Variants in GALNT13 observed in about 807,000 individuals in gnomAD.
The protein encoded by GALNT13 is polypeptide N-acetylgalactosaminyltransferase 13, also known as UDP-GalNAc:polypeptide N-acetylgalactosaminyltransferase 13.
A neutral mutation model predicts 64.2 loss-of-function variants in GALNT13; 28 were observed. That is an observed-to-expected ratio of 0.44 (90% confidence interval 0.32 to 0.60). The LOEUF is 0.60. Ranked by LOEUF, GALNT13 falls within the 20% of genes least tolerant of loss-of-function variation. The probability of loss-of-function intolerance (pLI) is 0.05; values close to 1 mark genes in which losing one functional copy is unlikely to be tolerated. For missense variants in GALNT13, 577 were observed against 669.8 expected (o/e 0.86, Z 1.53); for synonymous variants, 214 against 224.6 (o/e 0.95, Z 0.42).
the GALNT13 span, among the ~76,000 whole-genome samples, chr2:153,399,399 T>C: frequency 4.8e-3 from 737 of 152,264 alleles, 5 homozygotes; most frequent in Non-Finnish European, 5.7e-3. Context: ...ATTGACTTGG[T>C]GATGTGGGCT....
At chr2:153,658,305 C>T in the GALNT13 span, among the ~76,000 whole-genome samples, 1 of 152,148 alleles carries the variant, frequency 6.6e-6, no homozygotes, top group African/African-American at 2.4e-5. Flanking sequence ...TCACATCCCA[C>T]TTCTGCCAAT....
intron 3 of GALNT13, among the ~76,000 whole-genome samples, chr2:154,058,645 G>T (rs1213910917): frequency 2.0e-5 from 3 of 152,172 alleles, no homozygotes; most frequent in Non-Finnish European, 2.9e-5. Flanking sequence ...AGTGAGAACA[G>T]CCAGGGTCCT....
At chr2:153,108,174 G>C in the GALNT13 span, among the ~76,000 whole-genome samples, 1 of 152,158 alleles carries the variant, frequency 6.6e-6, no homozygotes, top group African/African-American at 2.4e-5. Context: ...CACCGTGCCT[G>C]GCTAAGAGCA....
chr2:153,257,433 G>A, the GALNT13 span, among the ~76,000 whole-genome samples: 3 of 152,070 alleles, frequency 2.0e-5, no homozygotes, highest in South Asian at 2.1e-4. Flanking sequence ...CACACTGGGA[G>A]CTGTAGACCT....
intron 3 of GALNT13, among the ~76,000 whole-genome samples, chr2:154,001,469 A>T (rs548406371): frequency 7.4e-4 from 113 of 151,940 alleles, no homozygotes; most frequent in African/African-American, 2.5e-3. Context: ...GAAGCTTACA[A>T]AAAAATTATA....
the GALNT13 span, among the ~76,000 whole-genome samples, chr2:153,353,148 G>T: frequency 6.6e-6 from 1 of 151,758 alleles, no homozygotes; most frequent in Admixed American, 6.6e-5. Flanking sequence ...AATGTTTTGT[G>T]GTTTTTCTCA....
the GALNT13 span, among the ~76,000 whole-genome samples, chr2:153,284,234 G>A: frequency 3.3e-5 from 5 of 152,158 alleles, no homozygotes; most frequent in Non-Finnish European, 7.3e-5. Context: ...CTGTATTGCC[G>A]AGCTGGCCCT....
At chr2:153,561,176 AT>A in the GALNT13 span, among the ~76,000 whole-genome samples, 13 of 150,350 alleles carry the variant, frequency 8.6e-5, no homozygotes, top group Non-Finnish European at 1.2e-4. Context: ...ACTTTTATTG[AT>A]TTTTTTTTGG....
chr2:153,261,456 G>T, the GALNT13 span, among the ~76,000 whole-genome samples: 2 of 152,122 alleles, frequency 1.3e-5, no homozygotes, highest in Non-Finnish European at 2.9e-5. Flanking sequence ...AGAGTACCAA[G>T]GGTAAGATCC....
the GALNT13 span, among the ~76,000 whole-genome samples, chr2:153,795,105 T>C: frequency 2.6e-5 from 4 of 152,304 alleles, no homozygotes; most frequent in South Asian, 8.3e-4. Flanking sequence ...GCCCCAGATT[T>C]GTGAACTTTT....
intron 8 of GALNT13, among the ~76,000 whole-genome samples, chr2:154,292,877 T>C (rs1459837251): frequency 6.6e-6 from 1 of 152,178 alleles, no homozygotes; most frequent in Non-Finnish European, 1.5e-5. Flanking sequence ...TGAACTTTAA[T>C]TAAAATGTCA....
intron 11 of GALNT13, chr2:154,435,760 C>T (rs1700934430): frequency 6.6e-6 from 1 of 152,236 alleles, no homozygotes; most frequent in East Asian, 1.9e-4. Context: ...CTCTAAATAT[C>T]AGCTACTGAA....
At chr2:153,375,299 C>T in the GALNT13 span, among the ~76,000 whole-genome samples, 1 of 151,990 alleles carries the variant, frequency 6.6e-6, no homozygotes, top group African/African-American at 2.4e-5. Flanking sequence ...TTGGAATCTG[C>T]TTATCAAATT....
chr2:154,147,743 A>C (rs1683704892), intron 4 of GALNT13, among the ~76,000 whole-genome samples: 1 of 152,062 alleles, frequency 6.6e-6, no homozygotes, highest in Admixed American at 6.6e-5. Context: ...GAGAAAGCAG[A>C]AAATCTAATT....
chr2:153,438,830 T>C, the GALNT13 span, among the ~76,000 whole-genome samples: 1 of 152,112 alleles, frequency 6.6e-6, no homozygotes, highest in Non-Finnish European at 1.5e-5. Flanking sequence ...CATCAAAGTC[T>C]TTCTCCATCC....
the GALNT13 span, among the ~76,000 whole-genome samples, chr2:153,612,487 A>C: frequency 6.6e-6 from 1 of 152,190 alleles, no homozygotes; most frequent in South Asian, 2.1e-4. Flanking sequence ...GACTACATGA[A>C]AATTACAGTC....
the GALNT13 span, among the ~76,000 whole-genome samples, chr2:153,502,797 G>C: frequency 5.3e-5 from 8 of 152,124 alleles, no homozygotes; most frequent in Non-Finnish European, 7.4e-5. Context: ...AGTAAGGTTG[G>C]TATCACATTG....
At chr2:153,817,943 G>T in the GALNT13 span, among the ~76,000 whole-genome samples, 2 of 152,090 alleles carry the variant, frequency 1.3e-5, no homozygotes, top group Admixed American at 6.5e-5. Context: ...AATGTGCACT[G>T]CTCGCATGGA....
chr2:154,208,105 C>T (rs911771131), intron 4 of GALNT13, among the ~76,000 whole-genome samples: 3 of 152,092 alleles, frequency 2.0e-5, no homozygotes, highest in African/African-American at 7.2e-5. Flanking sequence ...GGAAATCTAT[C>T]ATGTAGTTGG....
Sources: allele counts gnomAD v4.1 joint callset (sites outside exome capture counted in the v4.1 genomes callset), GRCh38; gene constraint gnomAD v4.1.1; transcripts MANE v1.5; gene names NCBI Gene and HGNC (gene_info 2026-07-23, HGNC 2026-07-21).